Variants in DPH1 observed in about 807,000 individuals in gnomAD.
DPH1 encodes the protein diphthamide biosynthesis 1.
Under a neutral mutation model 55.3 loss-of-function variants are expected in DPH1, and 59 were observed. The observed-to-expected ratio is 1.07, with a 90% confidence interval of 0.87 to 1.33. The LOEUF is 1.33. Ranked by LOEUF, DPH1 falls within the 40% of genes most tolerant of loss-of-function variation. DPH1 has a pLI of 0.00. For missense variants in DPH1, 628 were observed against 584.8 expected (o/e 1.07, Z -0.76); for synonymous variants, 238 against 235.5 (o/e 1.01, Z -0.10).
intron 6 of DPH1, chr17:2,039,123 G>A (rs1394274229): frequency 6.6e-6 from 1 of 152,170 alleles, no homozygotes; most frequent in African/African-American, 2.4e-5. Context: ...GTGCAGAGGT[G>A]CGATCTCGGC....
At chr17:2,042,437 C>G in intron 12 of DPH1, 168 bp from the exon 13 acceptor site, 1 of 1,273,198 alleles carries the variant, frequency 7.9e-7, no homozygotes, top group South Asian at 1.8e-5. Flanking sequence ...CCTCCGCTGT[C>G]TCCTGTTCAG....
intron 1 of DPH1, among the ~76,000 whole-genome samples, chr17:2,031,565 CAAAAAA>C (rs56410346): frequency 1.7e-4 from 12 of 69,660 alleles, no homozygotes; most frequent in African/African-American, 2.8e-4. Context: ...GACTCTGTCT[CAAAAAA>C]AAAAAAAAAA....
chr17:2,042,194 C>A, intron 12 of DPH1: 1 of 1,437,302 alleles, frequency 7.0e-7, no homozygotes, highest in East Asian at 2.7e-5. Flanking sequence ...ACCCGGTCCC[C>A]GACCCCCCGG....
chr17:2,038,953 C>G (rs1217867881), intron 6 of DPH1: 1 of 152,164 alleles, frequency 6.6e-6, no homozygotes, highest in African/African-American at 2.4e-5. Context: ...TCATCCAATT[C>G]AAACTCCTTA....
In DPH1 at chr17:2,042,622, G is replaced by C. The variant is rs552122556; in HGVS notation, c.*36G>C. ...CGCTGTAGGGTCCTGCCCTCCGGAGGAGCAGCCTCGAGGCTGGTGGTTTTC... is the reference window on the plus strand; with the variant it reads ...CGCTGTAGGGTCCTGCCCTCCGGAGCAGCAGCCTCGAGGCTGGTGGTTTTC... On this transcript the variant is annotated 3_prime_UTR_variant, in exon 13 of 13. Transcript: ENST00000263083. 38 of 1,519,240 alleles carry C rather than the reference G, an allele frequency of 2.5e-5. No individual in the cohort carries two copies. The South Asian group carries it at 3.5e-4, about 14-fold the overall frequency. The allele number at this position is 1,519,240 out of a possible 1,614,324, so 94.1% of individuals were successfully genotyped here. A position where few individuals can be genotyped will look rare whatever the true frequency, so the allele number is the denominator to read the frequency against.
upstream of DPH1, chr17:2,030,150 AC>A (rs1350781174): frequency 2.5e-6 from 4 of 1,599,290 alleles, no homozygotes; most frequent in African/African-American, 5.3e-5. Flanking sequence ...TCTTTTTAGT[AC>A]CACATGCGCA....
chr17:2,035,724 C>A (rs2067413214), intron 3 of DPH1, among the ~76,000 whole-genome samples: 1 of 152,004 alleles, frequency 6.6e-6, no homozygotes, highest in South Asian at 2.1e-4. Flanking sequence ...CCTCCTGCAG[C>A]CTGAGCCTGG....
At position 2,030,225 on chromosome 17, in the gene DPH1, G is replaced by A. The variant is rs930717263; in HGVS notation, c.56G>A (p.Gly19Asp). 3.8e-6 allele frequency: 6 copies of A among 1,584,332 alleles called. No homozygotes were observed. In the African/African-American group the frequency reaches 6.7e-5, roughly 18 times the overall value. The change falls in exon 1 of 13, where the codon GGC becomes GAC. Residue 19 changes from glycine (G) to aspartate (D), a missense_variant. By Grantham distance (94) the Gly-to-Asp change is moderately conservative (BLOSUM62 -1). Coordinates refer to ENST00000263083, the MANE Select transcript of DPH1 (RefSeq NM_001383.6). Reference protein sequence around the residue: ...AAEQGGRDGPGRGRAPRGRVA... With the variant: ...AAEQGGRDGPDRGRAPRGRVA... ...GAGCAGGGCGGCCGAGACGGCCCTGGCAGAGGTGGGTGCTGGAACGCTGCG... is the reference window on the plus strand; with the variant it reads ...GAGCAGGGCGGCCGAGACGGCCCTGACAGAGGTGGGTGCTGGAACGCTGCG...
intron 6 of DPH1, 99 bp downstream of exon 6, chr17:2,037,055 C>T (rs1469079890): frequency 6.0e-6 from 9 of 1,500,704 alleles, no homozygotes; most frequent in Admixed American, 4.5e-5. Flanking sequence ...AAATCTAATG[C>T]TCCTTACCTG....
intron 3 of DPH1, 51 bp downstream of exon 3, chr17:2,033,893 C>T (rs768424525): frequency 5.0e-6 from 8 of 1,605,776 alleles, no homozygotes; most frequent in Non-Finnish European, 6.0e-6. Context: ...CCCCCACCCC[C>T]TATGCTCATT....
Position 2,036,331 on chromosome 17 carries a change from G to A in DPH1, c.401-198G>A. ...TGAAAGGCTGTTGGTTGTAGAGCAGGCTGGGCCCCGGCCGGGTGACAGAGA... is the reference window on the plus strand; with the variant it reads ...TGAAAGGCTGTTGGTTGTAGAGCAGACTGGGCCCCGGCCGGGTGACAGAGA... On this transcript the variant is annotated intron_variant, in intron 4 of 12. Transcript: ENST00000263083. The surrounding 1 kb of genome is among the most constrained non-coding windows in gnomAD (Gnocchi z 4.8). 9.6e-7 allele frequency: 1 copy of A among 1,045,638 alleles called. No homozygotes were observed. The highest frequency in any genetic ancestry group is 1.3e-6 in the Non-Finnish European group (1 of 740,872). The allele number at this position is 1,045,638 out of a possible 1,614,324, so 64.8% of individuals were successfully genotyped here.
intron 1 of DPH1, among the ~76,000 whole-genome samples, chr17:2,031,016 G>A (rs2067324611): frequency 1.3e-5 from 2 of 152,260 alleles, no homozygotes. Flanking sequence ...CCTAGCAGAA[G>A]TTGTGGCACA....
rs1042180566 is a variant in DPH1, at chr17:2,039,642, G to T, written c.681-113G>T. ...TCCGCCCGCCTCGGTCTCCCAAAGT[G>T]CTGGGATTACAGGCGTGAGCCACCG... On this transcript the variant is annotated intron_variant, in intron 6 of 12. Coordinates refer to ENST00000263083, the MANE Select transcript of DPH1 (RefSeq NM_001383.6). The T allele has an allele frequency of 3.1e-5, 39 of 1,276,468 alleles. 1 individual carries two copies. In the Admixed American group the frequency reaches 4.3e-4, roughly 14 times the overall value. 79.1% of individuals were successfully genotyped at this position (1,276,468 alleles called of 1,614,324 possible).
rs1399392278 is a variant in DPH1, at chr17:2,042,697, AGG to A, written c.*114_*115del. The A allele has an allele frequency of 6.5e-7, 1 of 1,533,724 alleles. No homozygotes were observed. The highest frequency in any genetic ancestry group is 2.3e-5 in the East Asian group (1 of 44,218). Reference sequence around the variant, plus strand: ...CGCATTGGAAGAGCCCGCCGTCTGCAGGGGCCTGGAGGAATCACTGGGGATGG... The same window carrying A: ...CGCATTGGAAGAGCCCGCCGTCTGCAGGCCTGGAGGAATCACTGGGGATGG... On this transcript the variant is annotated 3_prime_UTR_variant, in exon 13 of 13. Transcript: ENST00000263083.
At chr17:2,035,457 AGTGGGGGTCCGGGTG>A (rs2067404442) in intron 3 of DPH1, among the ~76,000 whole-genome samples, 2 of 12,612 alleles carry the variant, frequency 1.6e-4, no homozygotes, top group African/African-American at 5.4e-4. Flanking sequence ...GTGGGGAGGT[AGTGGGGGTCCGGGTG>A]AGGGGGCCCT....
chr17:2,042,554 C>T lies in DPH1; in HGVS notation c.*19-51C>T, dbSNP rs987979228. 5.4e-6 allele frequency: 8 copies of T among 1,486,046 alleles called. No homozygotes were observed. The African/African-American group carries it at 5.6e-5, about 10-fold the overall frequency. The allele number at this position is 1,486,046 out of a possible 1,614,324, so 92.1% of individuals were successfully genotyped here. A position where few individuals can be genotyped will look rare whatever the true frequency, so the allele number is the denominator to read the frequency against. ...CCTGCCCTTTCTCATTTCTTTCCTT[C>T]CTGGAGCCTCCCATGCCCTAATCCC... On this transcript the variant is annotated intron_variant, in intron 12 of 12. Transcript: ENST00000263083.
rs1277992934 is a variant in DPH1 at position 2,036,556 on chromosome 17, T to G, written c.428T>G (p.Phe143Cys). ...LIPMDTSAQD[F>C]RVLYVFVDIR... is the part of the protein sequence containing the mutation. ...CCCATGGACACCTCGGCCCAAGACT[T>G]CCGGGTGCTGTACGTCTTTGTGGAC... The change falls in exon 5 of 13, where the codon TTC (phenylalanine) becomes TGC (cysteine). Residue 143 changes from phenylalanine (F) to cysteine (C), a missense_variant. Coordinates refer to ENST00000263083, the MANE Select transcript of DPH1 (RefSeq NM_001383.6). The surrounding 1 kb of genome is among the most constrained non-coding windows in gnomAD (Gnocchi z 4.8). 6.2e-7 allele frequency: 1 copy of G among 1,613,916 alleles called. No individual in the cohort carries two copies. The highest frequency in any genetic ancestry group is 1.3e-5 in the African/African-American group (1 of 74,894).
At chr17:2,032,834 C>T (rs1456173082) in intron 1 of DPH1, among the ~76,000 whole-genome samples, 1 of 152,214 alleles carries the variant, frequency 6.6e-6, no homozygotes, top group Admixed American at 6.5e-5. Flanking sequence ...AGCTCCGCCT[C>T]CCGGGTTCAC....
chr17:2,042,969 C>G lies in DPH1; in HGVS notation c.*383C>G. The G allele has an allele frequency of 6.2e-7, 1 of 1,614,108 alleles. No individual in the cohort carries two copies. The highest frequency in any genetic ancestry group is 2.2e-5 in the East Asian group (1 of 44,892). On this transcript the variant is annotated 3_prime_UTR_variant, in exon 13 of 13. Coordinates refer to ENST00000263083, the MANE Select transcript of DPH1 (RefSeq NM_001383.6). ...TTGGGGACACTGACAAAGTCATCCC[C>G]TCTCAGGAGAGTGTGCAACTGGCCA...
Sources: allele counts gnomAD v4.1 joint callset (sites outside exome capture counted in the v4.1 genomes callset), GRCh38; gene constraint gnomAD v4.1.1; non-coding constraint Gnocchi (gnomAD v3.1); transcripts MANE v1.5; gene names NCBI Gene and HGNC (gene_info 2026-07-23, HGNC 2026-07-21).